Variants in LRRTM4 observed in about 807,000 individuals in gnomAD.
LRRTM4 encodes leucine-rich repeat transmembrane neuronal protein 4.
LRRTM4 carries 25 observed loss-of-function variants against 47.6 expected under a neutral mutation model. That is an observed-to-expected ratio of 0.53 (90% CI 0.38 to 0.73). The LOEUF is 0.73. Among genes scored for constraint, LRRTM4 ranks in the 30% least tolerant of loss-of-function variants. The probability of loss-of-function intolerance (pLI) is 0.00; values close to 1 mark genes in which losing one functional copy is unlikely to be tolerated. For missense variants in LRRTM4, 638 were observed against 713.4 expected, an observed-to-expected ratio of 0.89 and a Z score of 1.20; for synonymous variants, 311 against 269.5, an observed-to-expected ratio of 1.15 and a Z score of -1.51.
At chr2:76,831,033 T>C (rs572148890) in intron 3 of LRRTM4, among the ~76,000 whole-genome samples, 1 of 152,250 alleles carries the variant, frequency 6.6e-6, no homozygotes, top group South Asian at 2.1e-4. Context: ...TAAGAATATT[T>C]GTGTTTGCTC....
intron 3 of LRRTM4, among the ~76,000 whole-genome samples, chr2:77,367,887 G>C (rs1290326324): frequency 6.6e-6 from 1 of 151,844 alleles, no homozygotes; most frequent in Admixed American, 6.6e-5. Context: ...CAACACAGTA[G>C]TTACTAGTCA....
intron 3 of LRRTM4, among the ~76,000 whole-genome samples, chr2:77,470,929 T>C (rs1361202805): frequency 6.6e-6 from 1 of 152,158 alleles, no homozygotes; most frequent in Non-Finnish European, 1.5e-5. Context: ...TAATTTAATT[T>C]GCAGGACTCG....
chr2:77,310,185 A>C (rs1469149904), intron 3 of LRRTM4, among the ~76,000 whole-genome samples: 2 of 152,186 alleles, frequency 1.3e-5, no homozygotes, highest in Non-Finnish European at 1.5e-5. Flanking sequence ...AGGCATTTGC[A>C]TGTGTATGTA....
chr2:77,041,371 T>TA (rs1042404694), intron 3 of LRRTM4, among the ~76,000 whole-genome samples: 51 of 151,632 alleles, frequency 3.4e-4, no homozygotes, highest in African/African-American at 1.2e-3. Flanking sequence ...AGTGTTGCAA[T>TA]AGACATGGGA....
intron 3 of LRRTM4, among the ~76,000 whole-genome samples, chr2:77,276,442 AGAAAG>A (rs1239830324): frequency 1.3e-5 from 2 of 150,848 alleles, no homozygotes; most frequent in Non-Finnish European, 3.0e-5. Flanking sequence ...GGAAGAAAAA[AGAAAG>A]GAAAGAATCT....
intron 3 of LRRTM4, among the ~76,000 whole-genome samples, chr2:76,757,339 G>A (rs1558634558): frequency 6.6e-6 from 1 of 152,120 alleles, no homozygotes; most frequent in African/African-American, 2.4e-5. Flanking sequence ...AAGTCAGTCA[G>A]GGGATAAGAG....
At chr2:76,982,429 GA>G (rs566045738) in intron 3 of LRRTM4, among the ~76,000 whole-genome samples, 152 of 151,886 alleles carry the variant, frequency 1.0e-3, no homozygotes, top group Non-Finnish European at 1.8e-3. Flanking sequence ...AAATGGAAAG[GA>G]AAAAAAGTAT....
chr2:77,157,829 G>C (rs1672600401), intron 3 of LRRTM4, among the ~76,000 whole-genome samples: 1 of 152,114 alleles, frequency 6.6e-6, no homozygotes, highest in Non-Finnish European at 1.5e-5. Flanking sequence ...AGGAAACTCA[G>C]GGACAGAGGA....
intron 3 of LRRTM4, among the ~76,000 whole-genome samples, chr2:77,441,875 G>A (rs1012035925): frequency 6.6e-6 from 1 of 152,060 alleles, no homozygotes; most frequent in Non-Finnish European, 1.5e-5. Flanking sequence ...ATTTAAGGTA[G>A]GTGTATGAGT....
chr2:77,267,636 A>T (rs1423588475), intron 3 of LRRTM4, among the ~76,000 whole-genome samples: 1 of 152,154 alleles, frequency 6.6e-6, no homozygotes, highest in Non-Finnish European at 1.5e-5. Context: ...CACTCACTTC[A>T]TAACACCATT....
At chr2:77,380,562 C>A (rs985404484) in intron 3 of LRRTM4, among the ~76,000 whole-genome samples, 4 of 151,946 alleles carry the variant, frequency 2.6e-5, no homozygotes, top group South Asian at 2.1e-4. Flanking sequence ...TTTGGGAGGC[C>A]AAGATGGGTG....
intron 3 of LRRTM4, among the ~76,000 whole-genome samples, chr2:77,048,368 T>A (rs1156455314): frequency 6.6e-6 from 1 of 152,016 alleles, no homozygotes; most frequent in African/African-American, 2.4e-5. Flanking sequence ...TTAGCATGAA[T>A]TATTTGGCAT....
At chr2:76,912,015 G>T (rs980350764) in intron 3 of LRRTM4, among the ~76,000 whole-genome samples, 5 of 146,180 alleles carry the variant, frequency 3.4e-5, no homozygotes, top group Admixed American at 1.4e-4. Flanking sequence ...TGCAAGCTCC[G>T]CCTTCTGGGT....
At chr2:77,516,034 C>T (rs1041743531) in intron 3 of LRRTM4, among the ~76,000 whole-genome samples, 2 of 151,724 alleles carry the variant, frequency 1.3e-5, no homozygotes, top group South Asian at 4.1e-4. Context: ...TTATAGCACC[C>T]CCCTCCTCAT....
At chr2:77,253,780 A>G (rs1675686103) in intron 3 of LRRTM4, among the ~76,000 whole-genome samples, 1 of 152,010 alleles carries the variant, frequency 6.6e-6, no homozygotes. Context: ...AAAAGTATGT[A>G]ATCTTCATTT....
At chr2:76,820,989 A>G (rs1009953227) in intron 3 of LRRTM4, among the ~76,000 whole-genome samples, 2 of 151,738 alleles carry the variant, frequency 1.3e-5, no homozygotes, top group Admixed American at 6.6e-5. Context: ...TAAACTGGTT[A>G]TATGTTCTGA....
chr2:77,233,955 G>A (rs146662554), intron 3 of LRRTM4, among the ~76,000 whole-genome samples: 111 of 152,112 alleles, frequency 7.3e-4, no homozygotes, highest in African/African-American at 2.5e-3. Context: ...CCACCATCAT[G>A]TCCCGCAAAT....
At chr2:77,026,717 C>T (rs539659250) in intron 3 of LRRTM4, among the ~76,000 whole-genome samples, 13 of 151,852 alleles carry the variant, frequency 8.6e-5, no homozygotes, top group Non-Finnish European at 1.8e-4. Context: ...GCCTATTATA[C>T]ACATATACAA....
intron 3 of LRRTM4, among the ~76,000 whole-genome samples, chr2:77,265,282 G>A (rs370917131): frequency 3.3e-5 from 5 of 152,028 alleles, no homozygotes; most frequent in African/African-American, 7.2e-5. Context: ...CCCAAAGTTC[G>A]TATGTTGTAA....
Sources: allele counts gnomAD v4.1 joint callset (sites outside exome capture counted in the v4.1 genomes callset), GRCh38; gene constraint gnomAD v4.1.1; transcripts MANE v1.5; gene names NCBI Gene and HGNC (gene_info 2026-07-23, HGNC 2026-07-21).